The following CEP152 variants were observed in gnomAD, a reference collection of about 807,000 sequenced individuals.
The protein encoded by CEP152 is centrosomal protein 152.
Under a neutral mutation model 188.9 loss-of-function variants are expected in CEP152, and 132 were observed. The observed-to-expected ratio is 0.70, with a 90% CI of 0.61 to 0.81. The LOEUF (loss-of-function observed/expected upper bound fraction) is 0.81. Ranked by LOEUF, CEP152 falls within the 30% of genes least tolerant of loss-of-function variation. The pLI, the probability that CEP152 is intolerant of heterozygous loss-of-function variation, is 0.00. For missense variants in CEP152, 1,914 were observed against 1,969.8 expected (o/e 0.97, Z 0.54); for synonymous variants, 649 against 666.6 (o/e 0.97, Z 0.41).
Position 48,762,633 on chromosome 15 carries a change from G to C in CEP152, c.2320C>G (p.Gln774Glu), listed in dbSNP as rs760950611. Residue 774 changes from glutamine (Q) to glutamate (E), a missense_variant, in exon 18 of 27, where the codon CAG becomes GAG. Coordinates refer to ENST00000380950, the MANE Select transcript of CEP152 (RefSeq NM_001194998.2). Reference protein sequence around the residue: ...KLIQQLEKEWQSKLDQTIKAM... With the variant: ...KLIQQLEKEWESKLDQTIKAM... The stretch of plus-strand genomic sequence containing the variant: ...TTTATAGTTTGATCCAGCTTAGACT[G>C]CCACTCCTTTTCAAGCTGTTGAATG... The C allele has an allele frequency of 2.5e-6, 4 of 1,613,736 alleles. No homozygotes were observed. Among genetic ancestry groups the C allele is most frequent in the Non-Finnish European group, 3.4e-6 (4 of 1,179,980 alleles).
chr15:48,790,071 A>AATACTAGTTTTAATCTAATAACTATTG (rs1264872924), intron 8 of CEP152, among the ~76,000 whole-genome samples: 1 of 152,262 alleles, frequency 6.6e-6, no homozygotes, highest in Admixed American at 6.5e-5. Flanking sequence ...GTTTTCAAAA[A>AATACTAGTTTTAATCTAATAACTATTG]GTTAAAAATA....
chr15:48,744,811 C>T, intron 23 of CEP152, 85 bp downstream of exon 23: 2 of 1,279,046 alleles, frequency 1.6e-6, no homozygotes, highest in Non-Finnish European at 2.1e-6. Context: ...TGCTGTATAA[C>T]AAAAAAAATT....
chr15:48,782,350 G>C (rs368861052), intron 10 of CEP152, 120 bp from the exon 11 acceptor site: 3 of 819,662 alleles, frequency 3.7e-6, no homozygotes, highest in African/African-American at 3.4e-5. Flanking sequence ...TACTACTACT[G>C]TCTCTTTAGA....
rs765165996 is a variant in CEP152 at position 48,744,272 on chromosome 15, C to G, written c.3803G>C (p.Gly1268Ala). The change falls in exon 24 of 27, where the codon GGG becomes GCG. Residue 1268 changes from glycine to alanine, a missense_variant. Coordinates refer to ENST00000380950, the MANE Select transcript of CEP152 (RefSeq NM_001194998.2). ...TTTTTTTACAGCTTTAATGTACTGC[C>G]CACGAAGTTCTTCCAAGGCTCCCCC... The part of the protein sequence containing the change: ...CSGGALEELR[G>A]QYIKAVKKIK... The G allele has an allele frequency of 1.9e-6, 3 of 1,613,962 alleles. No individual in the cohort carries two copies. In the South Asian group the frequency reaches 3.3e-5, roughly 18 times the overall value.
intron 17 of CEP152, 71 bp downstream of exon 17, chr15:48,766,989 A>G (rs1197852665): frequency 1.9e-6 from 3 of 1,590,028 alleles, no homozygotes; most frequent in East Asian, 2.2e-5. Context: ...GAACAAATGT[A>G]TTCGTTTAAA....
At chr15:48,735,845 G>A (rs905529194), downstream of CEP152, among the ~76,000 whole-genome samples, 10 of 152,184 alleles carry the variant, frequency 6.6e-5, no homozygotes, top group East Asian at 1.9e-3. Context: ...CAAGAGAAAA[G>A]AGAAGAACCC....
chr15:48,750,472 T>C (rs1893792244), intron 21 of CEP152, among the ~76,000 whole-genome samples: 1 of 152,172 alleles, frequency 6.6e-6, no homozygotes, highest in South Asian at 2.1e-4. Context: ...CATTTTAGTT[T>C]GATTTAAGTG....
At chr15:48,758,717 T>TAAAAAAAA (rs1894455728) in intron 19 of CEP152, among the ~76,000 whole-genome samples, 1 of 1,976 alleles carries the variant, frequency 5.1e-4, no homozygotes, top group African/African-American at 3.1e-3. Flanking sequence ...AGACTCCATC[T>TAAAAAAAA]CAAAAAAAAA....
At chr15:48,730,476 A>G (rs571554592) in intron 2 of CEP152, among the ~76,000 whole-genome samples, 1 of 152,306 alleles carries the variant, frequency 6.6e-6, no homozygotes, top group South Asian at 2.1e-4. Flanking sequence ...GGCTGTGTGC[A>G]TATGTAGGGA....
intron 7 of CEP152, among the ~76,000 whole-genome samples, chr15:48,793,115 C>T (rs999023562): frequency 6.6e-6 from 1 of 152,212 alleles, no homozygotes; most frequent in African/African-American, 2.4e-5. Flanking sequence ...AGCCACCATG[C>T]CTGGTCTCCA....
intron 17 of CEP152, chr15:48,765,725 C>T (rs1046953486): frequency 2.8e-6 from 1 of 354,584 alleles, no homozygotes; most frequent in African/African-American, 2.4e-5. Flanking sequence ...GCAATCTCGA[C>T]TCACTGCAAG....
intron 12 of CEP152, among the ~76,000 whole-genome samples, chr15:48,776,843 T>C (rs1365425163): frequency 6.6e-6 from 1 of 152,080 alleles, no homozygotes; most frequent in Non-Finnish European, 1.5e-5. Context: ...GTGACTTCTA[T>C]TTTCTTCTTT....
At chr15:48,757,697 T>C (rs967568550) in intron 19 of CEP152, among the ~76,000 whole-genome samples, 1 of 152,170 alleles carries the variant, frequency 6.6e-6, no homozygotes, top group Non-Finnish European at 1.5e-5. Context: ...ATGGCTGGGA[T>C]GATGGGATAG....
At chr15:48,756,671 A>G in intron 19 of CEP152, 118 bp from the exon 20 acceptor site, 1 of 916,842 alleles carries the variant, frequency 1.1e-6, no homozygotes, top group Non-Finnish European at 1.6e-6. Context: ...TCAAAATTAA[A>G]AGGAAACATG....
intron 12 of CEP152, among the ~76,000 whole-genome samples, chr15:48,778,175 T>A (rs1896036868): frequency 6.6e-6 from 1 of 152,212 alleles, no homozygotes; most frequent in South Asian, 2.1e-4. Flanking sequence ...AATAGAACAT[T>A]GAGGCTAAAC....
intron 21 of CEP152, among the ~76,000 whole-genome samples, chr15:48,749,375 G>T (rs1016771109): frequency 6.6e-6 from 1 of 151,918 alleles, no homozygotes; most frequent in Admixed American, 6.6e-5. Flanking sequence ...ATCATCAACG[G>T]TTGCCAAATA....
At chr15:48,769,124 T>C (rs1225164374) in intron 13 of CEP152, 43 bp from the exon 14 acceptor site, 1 of 1,525,496 alleles carries the variant, frequency 6.6e-7, no homozygotes, top group Admixed American at 1.8e-5. Flanking sequence ...TTTAAAAAAT[T>C]CTAAGTTTCA....
Position 48,748,585 on chromosome 15 carries a change from C to T in CEP152, c.3492G>A (p.Lys1164=). The T allele has an allele frequency of 6.6e-7, 1 of 1,505,846 alleles. No individual in the cohort carries two copies. The highest frequency in any genetic ancestry group is 8.8e-7 in the Non-Finnish European group (1 of 1,134,042). 93.3% of individuals were successfully genotyped at this position (1,505,846 alleles called of 1,614,324 possible). The stretch of plus-strand genomic sequence containing the variant: ...GGAAGCAGTGTCCACAGCATAAATC[C>T]TTAATTTCAAGGACCTTTTTCTTAT... ...EADKKKVLEI[K]DLCCGHCFQE... The change falls in exon 22 of 27, where the codon AAG becomes AAA. Residue 1164 remains lysine (K), a synonymous_variant. Transcript: ENST00000380950.
At chr15:48,770,529 C>G (rs1383517068) in intron 13 of CEP152, among the ~76,000 whole-genome samples, 1 of 152,152 alleles carries the variant, frequency 6.6e-6, no homozygotes, top group East Asian at 1.9e-4. Context: ...AAAGAAAGCA[C>G]CAAGATATCT....
Sources: allele counts gnomAD v4.1 joint callset (sites outside exome capture counted in the v4.1 genomes callset), GRCh38; gene constraint gnomAD v4.1.1; transcripts MANE v1.5; gene names NCBI Gene and HGNC (gene_info 2026-07-23, HGNC 2026-07-21).